Variants in ACSS3 observed in about 807,000 individuals in gnomAD.
ACSS3 encodes the protein acyl-CoA synthetase short chain family member 3.
In ACSS3, 64 loss-of-function variants were observed where a neutral mutation model predicts 84.2. That is an observed-to-expected ratio of 0.76 (90% CI 0.62 to 0.94). The LOEUF (loss-of-function observed/expected upper bound fraction) is 0.94. Among genes scored for constraint, ACSS3 ranks in the 40% least tolerant of loss-of-function variants. The pLI is 0.00. For synonymous variants in ACSS3, 317 were observed against 310.1 expected (o/e 1.02, Z -0.23); for missense variants, 815 against 867.6 (o/e 0.94, Z 0.76).
At chr12:81,186,426 A>G (rs1315518252) in intron 8 of ACSS3, among the ~76,000 whole-genome samples, 1 of 151,786 alleles carries the variant, frequency 6.6e-6, no homozygotes, top group Non-Finnish European at 1.5e-5. Flanking sequence ...ACAGCTGCCT[A>G]TGAAGTGGGA....
At chr12:81,235,830 A>G (rs1229944545) in intron 13 of ACSS3, among the ~76,000 whole-genome samples, 1 of 151,486 alleles carries the variant, frequency 6.6e-6, no homozygotes, top group African/African-American at 2.4e-5. Flanking sequence ...GTAACCTATG[A>G]TCTTGTTTAA....
In ACSS3 at chr12:81,260,796, G is replaced by A. The variant is rs1386247003; in HGVS notation, c.*5874G>A. 1.3e-5 allele frequency: 2 copies of A among 152,098 alleles called. No homozygotes were observed. Among genetic ancestry groups the A allele is most frequent in the Non-Finnish European group, 2.9e-5 (2 of 68,010 alleles). 9.4% of individuals were successfully genotyped at this position (152,098 alleles called of 1,614,324 possible). ...TCTATAACTGTTTTCTCTTAACCCT[G>A]TGCACACATTTTGTTCTAAATATCG... On this transcript the variant is annotated 3_prime_UTR_variant, in exon 16 of 16. Coordinates refer to ENST00000548058, the MANE Select transcript of ACSS3 (RefSeq NM_024560.4).
chr12:81,250,379 C>T (rs1014614121), intron 13 of ACSS3, among the ~76,000 whole-genome samples: 53 of 151,984 alleles, frequency 3.5e-4, no homozygotes, highest in African/African-American at 1.2e-3. Context: ...AATGATTTTG[C>T]GTCTCATAAT....
intron 9 of ACSS3, among the ~76,000 whole-genome samples, chr12:81,213,834 T>TTC (rs1565723798): frequency 2.0e-5 from 2 of 101,370 alleles, no homozygotes; most frequent in Non-Finnish European, 2.2e-5. Flanking sequence ...TTCTCTTCTC[T>TTC]TCTCTTCTCT....
At chr12:81,161,488 C>A (rs938924621) in intron 7 of ACSS3, among the ~76,000 whole-genome samples, 5 of 152,154 alleles carry the variant, frequency 3.3e-5, no homozygotes, top group African/African-American at 1.2e-4. Context: ...TGGGCATTAT[C>A]ATTGCTAGTT....
At chr12:81,173,270 T>A (rs1237948871) in intron 7 of ACSS3, among the ~76,000 whole-genome samples, 1 of 152,220 alleles carries the variant, frequency 6.6e-6, no homozygotes, top group East Asian at 1.9e-4. Context: ...CAGGCTGTAT[T>A]TTGCAGCTTT....
chr12:81,097,098 A>AAATTTAAAT (rs1882119921), intron 1 of ACSS3, among the ~76,000 whole-genome samples: 1 of 152,204 alleles, frequency 6.6e-6, no homozygotes, highest in Non-Finnish European at 1.5e-5. Context: ...TAGTTAATTT[A>AAATTTAAAT]AATTTAAATT....
chr12:81,145,723 G>A (rs1322675560), intron 5 of ACSS3, among the ~76,000 whole-genome samples: 2 of 152,158 alleles, frequency 1.3e-5, no homozygotes, highest in Admixed American at 1.3e-4. Flanking sequence ...GGAGGCTAGG[G>A]AAACTAAAAG....
chr12:81,132,549 A>G (rs1022470136), intron 2 of ACSS3, among the ~76,000 whole-genome samples: 3 of 150,222 alleles, frequency 2.0e-5, no homozygotes, highest in Non-Finnish European at 1.5e-5. Context: ...CTAGCAGTCT[A>G]TCTATTTTGT....
chr12:81,217,727 C>A (rs1303210178), intron 10 of ACSS3, among the ~76,000 whole-genome samples: 1 of 152,028 alleles, frequency 6.6e-6, no homozygotes, highest in Non-Finnish European at 1.5e-5. Context: ...CCTCTAACCC[C>A]AGCTACTTGG....
intron 7 of ACSS3, among the ~76,000 whole-genome samples, chr12:81,165,947 ATTGTT>A (rs1265162414): frequency 1.3e-5 from 2 of 152,146 alleles, no homozygotes; most frequent in African/African-American, 4.8e-5. Flanking sequence ...CTTTTTATAC[ATTGTT>A]TTAATTATAA....
At chr12:81,248,402 C>T (rs1439571650) in intron 13 of ACSS3, among the ~76,000 whole-genome samples, 1 of 151,904 alleles carries the variant, frequency 6.6e-6, no homozygotes, top group African/African-American at 2.4e-5. Flanking sequence ...CTGCCATTTG[C>T]AGCTATTTGG....
At chr12:81,242,469 A>G (rs1388524274) in intron 13 of ACSS3, among the ~76,000 whole-genome samples, 1 of 150,366 alleles carries the variant, frequency 6.7e-6, no homozygotes, top group African/African-American at 2.4e-5. Context: ...AACTATTCCA[A>G]TCAATAGAAA....
intron 1 of ACSS3, among the ~76,000 whole-genome samples, chr12:81,088,851 T>C (rs1310492206): frequency 3.3e-5 from 5 of 152,072 alleles, no homozygotes; most frequent in African/African-American, 4.8e-5. Flanking sequence ...AAGAAGAGTT[T>C]TTAAAGTTTG....
chr12:81,253,337 T>A lies in ACSS3; in HGVS notation c.1750T>A (p.Cys584Ser), dbSNP rs766522710. 3.1e-6 allele frequency: 5 copies of A among 1,613,400 alleles called. No individual in the cohort carries two copies. Among genetic ancestry groups the A allele is most frequent in the Non-Finnish European group, 4.2e-6 (5 of 1,179,436 alleles). The change falls in exon 14 of 16, where the codon TGT (cysteine) becomes AGT (serine). Residue 584 changes from cysteine to serine, a missense_variant. Coordinates refer to ENST00000548058, the MANE Select transcript of ACSS3 (RefSeq NM_024560.4). Reference sequence around the variant, plus strand: ...CCTTTCCCATGGTACCGTGGCAGACTGTGCTGTTGTTGGCAAGGAAGATCC... The same window carrying A: ...CCTTTCCCATGGTACCGTGGCAGACAGTGCTGTTGTTGGCAAGGAAGATCC... ...SILSHGTVADCAVVGKEDPLK... is the reference protein window; with the variant it reads ...SILSHGTVADSAVVGKEDPLK...
At chr12:81,218,406 G>GTAGTTTCTCTA (rs936859337) in intron 10 of ACSS3, among the ~76,000 whole-genome samples, 57 of 152,210 alleles carry the variant, frequency 3.7e-4, no homozygotes, top group African/African-American at 1.3e-3. Flanking sequence ...TCAGAGATTT[G>GTAGTTTCTCTA]ACTTTTGCTT....
rs774838349 is a variant in ACSS3, at chr12:81,253,298, T to C, written c.1720-9T>C. On this transcript the variant is annotated splice_polypyrimidine_tract_variant and intron_variant, in intron 13 of 15. Transcript: ENST00000548058. Reference sequence around the variant, plus strand: ...ATGTATTCTAAATGAATGCCTTTCCTTATTACAGTCAATCCTTTCCCATGG... The same window carrying C: ...ATGTATTCTAAATGAATGCCTTTCCCTATTACAGTCAATCCTTTCCCATGG... The C allele has an allele frequency of 5.6e-6, 9 of 1,612,184 alleles. No individual in the cohort carries two copies. In the Admixed American group the frequency reaches 1.5e-4, roughly 27 times the overall value.
intron 2 of ACSS3, among the ~76,000 whole-genome samples, chr12:81,110,616 C>A (rs1174837544): frequency 6.6e-6 from 1 of 152,176 alleles, no homozygotes; most frequent in African/African-American, 2.4e-5. Context: ...TATTTTGGAT[C>A]AGATAATATT....
chr12:81,145,023 C>T (rs1365991299), intron 5 of ACSS3, among the ~76,000 whole-genome samples: 11 of 150,420 alleles, frequency 7.3e-5, no homozygotes, highest in Non-Finnish European at 1.6e-4. Context: ...GCCTTAGCCC[C>T]CCGAGTAGCT....
Sources: allele counts gnomAD v4.1 joint callset (sites outside exome capture counted in the v4.1 genomes callset), GRCh38; gene constraint gnomAD v4.1.1; transcripts MANE v1.5; gene names NCBI Gene and HGNC (gene_info 2026-07-23, HGNC 2026-07-21).